RPS6KA3: variants seen among roughly 807,000 people sequenced by gnomAD.
RPS6KA3 encodes the protein ribosomal protein S6 kinase alpha-3.
In RPS6KA3, 4 loss-of-function variants were observed where a neutral mutation model predicts 67.2. That is an observed-to-expected ratio of 0.06 (90% confidence interval 0.03 to 0.14). The LOEUF (loss-of-function observed/expected upper bound fraction) is 0.14, where lower values mean the gene tolerates loss of function less well. RPS6KA3 is among the 10% of genes least tolerant of loss of function. RPS6KA3 has a pLI of 1.00. For missense variants in RPS6KA3, 204 were observed against 559.0 expected (o/e 0.36, Z 6.40); for synonymous variants, 182 against 183.7 (o/e 0.99, Z 0.07).
At chrX:20,208,691 C>T (rs2068634909) in intron 3 of RPS6KA3, among the ~76,000 whole-genome samples, 1 of 111,747 alleles carries the variant, frequency 8.9e-6, no homozygotes, top group African/African-American at 3.3e-5. Flanking sequence ...GTACTCCAGC[C>T]TGGGTGACAG....
rs1000692719 is a variant in RPS6KA3, at chrX:20,266,228, T to C, written c.69+336A>G. ...AGCCCCCGACCCGGCTGGGCCAAAC[T>C]TCCCAACTCCCCGCCGGCCCCCGCT... is the stretch of plus-strand genomic sequence containing the variant. On this transcript the variant is annotated intron_variant, in intron 1 of 21. Transcript: ENST00000379565. 9.0e-5 allele frequency: 17 copies of C among 189,099 alleles called. 1 individual carries two copies. The highest frequency in any genetic ancestry group is 1.5e-4 in the East Asian group (1 of 6,749). The allele number at this position is 189,099 out of a possible 1,213,427, so 15.6% of individuals were successfully genotyped here.
chrX:20,246,129 A>G lies in RPS6KA3; in HGVS notation c.70-11315T>C, dbSNP rs865801393. On this transcript the variant is annotated intron_variant, in intron 1 of 21. Coordinates refer to ENST00000379565, the MANE Select transcript of RPS6KA3 (RefSeq NM_004586.3). ...TGACTCCATCTCGGAAAAGAAAAAAAAAAAAAAAAAAAAAGGGAAATCCCA... is the reference window on the plus strand; with the variant it reads ...TGACTCCATCTCGGAAAAGAAAAAAGAAAAAAAAAAAAAAGGGAAATCCCA... Among the ~76,000 whole-genome samples the G allele has an allele frequency of 3.5e-3, 372 of 107,244 alleles. 5 individuals carry two copies. The highest frequency in any genetic ancestry group is 0.012 in the African/African-American group (355 of 29,787). The allele number at this position is 107,244 out of a possible 115,157, so 93.1% of individuals were successfully genotyped here. A position where few individuals can be genotyped will look rare whatever the true frequency, so the allele number is the denominator to read the frequency against.
intron 4 of RPS6KA3, among the ~76,000 whole-genome samples, chrX:20,200,318 T>C (rs1342678979): frequency 8.9e-6 from 1 of 111,922 alleles, no homozygotes; most frequent in Non-Finnish European, 1.9e-5. Flanking sequence ...GTGTTGAATA[T>C]AAATGTAAAT....
intron 4 of RPS6KA3, among the ~76,000 whole-genome samples, chrX:20,198,907 C>T (rs1474647407): frequency 3.6e-5 from 4 of 110,676 alleles, no homozygotes; most frequent in African/African-American, 1.3e-4. Context: ...AGTCTTGCCC[C>T]GTCGCCCAGG....
At chrX:20,172,434 T>C (rs1258441564) in intron 15 of RPS6KA3, among the ~76,000 whole-genome samples, 2 of 111,470 alleles carry the variant, frequency 1.8e-5, no homozygotes, top group Non-Finnish European at 3.8e-5. Context: ...TTTTGAGGAA[T>C]TTGCTGACAC....
Position 20,184,991 on chromosome X carries a change from G to A in RPS6KA3, c.845+1305C>T, listed in dbSNP as rs182515077. On this transcript the variant is annotated intron_variant, in intron 10 of 21. Coordinates refer to ENST00000379565, the MANE Select transcript of RPS6KA3 (RefSeq NM_004586.3). Reference sequence around the variant, plus strand: ...ATGAAATTTCACTCTTATTGCCCAGGCTGGAGTGCAGTGGCATGATCTTGG... The same window carrying A: ...ATGAAATTTCACTCTTATTGCCCAGACTGGAGTGCAGTGGCATGATCTTGG... Among the ~76,000 whole-genome samples the A allele has an allele frequency of 9.6e-4, 106 of 110,899 alleles. 1 individual carries two copies. Among genetic ancestry groups the A allele is most frequent in the African/African-American group, 3.2e-3 (97 of 30,449 alleles).
chrX:20,252,486 G>A (rs2069904377), intron 1 of RPS6KA3, among the ~76,000 whole-genome samples: 1 of 109,175 alleles, frequency 9.2e-6, no homozygotes, highest in East Asian at 2.8e-4. Flanking sequence ...CCTCTGGGCC[G>A]CACCAACATC....
intron 2 of RPS6KA3, among the ~76,000 whole-genome samples, chrX:20,218,051 G>A (rs891792411): frequency 8.9e-6 from 1 of 111,936 alleles, no homozygotes; most frequent in Non-Finnish European, 1.9e-5. Context: ...TGGTTCTCCA[G>A]ATTAACATTT....
chrX:20,198,908 G>A (rs1011434877), intron 4 of RPS6KA3, among the ~76,000 whole-genome samples: 3 of 110,818 alleles, frequency 2.7e-5, no homozygotes, highest in Admixed American at 9.6e-5. Flanking sequence ...GTCTTGCCCC[G>A]TCGCCCAGGC....
chrX:20,236,755 T>C (rs1377928160), intron 1 of RPS6KA3, among the ~76,000 whole-genome samples: 2 of 111,807 alleles, frequency 1.8e-5, no homozygotes, highest in Non-Finnish European at 3.8e-5. Flanking sequence ...ATCTTTATTT[T>C]CCTAAGGTAT....
chrX:20,209,214 T>C, intron 3 of RPS6KA3, 74 bp downstream of exon 3: 1 of 602,645 alleles, frequency 1.7e-6, no homozygotes, highest in Non-Finnish European at 2.9e-6. Context: ...CATAAAATAT[T>C]TGTTTCCTCA....
intron 2 of RPS6KA3, among the ~76,000 whole-genome samples, chrX:20,227,154 C>T (rs1352704591): frequency 9.0e-6 from 1 of 111,584 alleles, no homozygotes; most frequent in Non-Finnish European, 1.9e-5. Context: ...TTCCCCCAAT[C>T]CTGTTCCTGG....
chrX:20,259,282 A>G (rs970397818), intron 1 of RPS6KA3, among the ~76,000 whole-genome samples: 7 of 111,780 alleles, frequency 6.3e-5, no homozygotes, highest in Non-Finnish European at 9.4e-5. Context: ...AAAGTGGCAT[A>G]TAAGAGAATT....
intron 1 of RPS6KA3, among the ~76,000 whole-genome samples, chrX:20,243,392 A>G (rs183743661): frequency 1.8e-5 from 2 of 112,424 alleles, no homozygotes; most frequent in East Asian, 5.5e-4. Flanking sequence ...TGTTCAATAA[A>G]TATTTGTTGA....
intron 4 of RPS6KA3, among the ~76,000 whole-genome samples, chrX:20,197,154 T>C (rs550546284): frequency 8.9e-6 from 1 of 112,855 alleles, no homozygotes; most frequent in Non-Finnish European, 1.9e-5. Flanking sequence ...ATGCCCTTTG[T>C]ACTTTTTATG....
At chrX:20,250,647 G>C (rs12008014) in intron 1 of RPS6KA3, among the ~76,000 whole-genome samples, 2,438 of 112,010 alleles carry the variant, frequency 0.022, 58 homozygotes, top group African/African-American at 0.074. Context: ...CATGTGACTT[G>C]TCTTCTTTAA....
chrX:20,197,003 C>T (rs772493412), intron 4 of RPS6KA3, among the ~76,000 whole-genome samples: 1 of 111,940 alleles, frequency 8.9e-6, no homozygotes, highest in Non-Finnish European at 1.9e-5. Flanking sequence ...CCATACCTGG[C>T]TAATTTTTGT....
intron 1 of RPS6KA3, among the ~76,000 whole-genome samples, chrX:20,261,005 A>T (rs1044057843): frequency 1.8e-5 from 2 of 112,048 alleles, no homozygotes; most frequent in Non-Finnish European, 3.8e-5. Context: ...AAATTACTTA[A>T]TTACTAGTAA....
chrX:20,158,106 G>A lies in RPS6KA3; in HGVS notation c.1960-1857C>T, dbSNP rs770042544. ...TGTATGTAATGGAGAAAATTGGGCT[G>A]GGCGTGGGAGAAATTTGGGAGGCCA... is the stretch of plus-strand genomic sequence containing the variant. On this transcript the variant is annotated intron_variant, in intron 20 of 21. Transcript: ENST00000379565. Among the ~76,000 whole-genome samples the A allele has an allele frequency of 9.1e-5, 10 of 109,766 alleles. No homozygotes were observed. The South Asian group carries it at 3.9e-3, about 43-fold the overall frequency.
Sources: gnomAD v4.1 joint callset for allele counts (sites outside exome capture counted in the v4.1 genomes callset) on GRCh38, gnomAD v4.1.1 for gene constraint, MANE v1.5 for transcripts, NCBI Gene and HGNC (gene_info 2026-07-23, HGNC 2026-07-21) for gene names.